The following TTLL1 variants were observed in gnomAD, a reference collection of about 807,000 sequenced individuals.
TTLL1 encodes polyglutamylase complex subunit TTLL1.
In TTLL1, 33 loss-of-function variants were observed where a neutral mutation model predicts 47.8. The observed-to-expected ratio is 0.69, with a 90% CI of 0.52 to 0.92. The LOEUF (loss-of-function observed/expected upper bound fraction) is 0.92. Ranked by LOEUF, TTLL1 falls within the 40% of genes least tolerant of loss-of-function variation. TTLL1 has a pLI of 0.00. For missense variants in TTLL1, 488 were observed against 547.5 expected, an observed-to-expected ratio of 0.89 and a Z score of 1.08; for synonymous variants, 225 against 214.1, an observed-to-expected ratio of 1.05 and a Z score of -0.45.
chr22:43,064,157 T>C (rs374419767), intron 6 of TTLL1, 33 bp downstream of exon 6: 4 of 1,599,846 alleles, frequency 2.5e-6, no homozygotes, highest in South Asian at 2.3e-5. Flanking sequence ...GAAAACACAA[T>C]CAAGAGGGAA....
chr22:43,079,279 G>A (rs1467815195), intron 2 of TTLL1, among the ~76,000 whole-genome samples: 1 of 135,106 alleles, frequency 7.4e-6, no homozygotes, highest in Non-Finnish European at 1.6e-5. Context: ...ACCCCAGAGC[G>A]TGAGCCCATC....
rs191482663 is a variant in TTLL1, at chr22:43,073,161, G to A, written c.113+2313C>T. On this transcript the variant is annotated intron_variant, in intron 3 of 10. Transcript: ENST00000266254. ...CTCTCAAGTAGCTGGGATTACAGGCGCCTGCCACTAAGCCCAGCTAATTTT... is the reference window on the plus strand; with the variant it reads ...CTCTCAAGTAGCTGGGATTACAGGCACCTGCCACTAAGCCCAGCTAATTTT... Among the ~76,000 whole-genome samples the A allele has an allele frequency of 1.4e-4, 21 of 150,762 alleles. No individual in the cohort carries two copies. The East Asian group carries it at 1.8e-3, about 13-fold the overall frequency.
rs191712787 is a variant in TTLL1, at chr22:43,071,832, G to T, written c.114-1988C>A. Among the ~76,000 whole-genome samples the T allele has an allele frequency of 3.9e-5, 6 of 152,266 alleles. No homozygotes were observed. In the East Asian group the frequency reaches 1.2e-3, roughly 29 times the overall value. On this transcript the variant is annotated intron_variant, in intron 3 of 10. Transcript: ENST00000266254. ...GAGCCAGCCGATGGGATGAGCTGGG[G>T]GTCCCAGAAGGCTTTCTTCATGTCT...
chr22:43,087,016 C>A (rs575203025), intron 1 of TTLL1, among the ~76,000 whole-genome samples: 55 of 152,270 alleles, frequency 3.6e-4, no homozygotes, highest in African/African-American at 1.3e-3. Flanking sequence ...CCTCTTTAGC[C>A]CCTGGCCTTC....
chr22:43,043,497 A>G lies in TTLL1; in HGVS notation c.1142+2913T>C, dbSNP rs1225846014. On this transcript the variant is annotated intron_variant, in intron 10 of 10. Transcript: ENST00000266254. The stretch of plus-strand genomic sequence containing the variant: ...TCAGGACCCAGCCCCGAAGGCCGCC[A>G]TCGCAGTTGCCATCCCCAACCCTGA... Among the ~76,000 whole-genome samples, 5 of 152,054 alleles carry G rather than the reference A, an allele frequency of 3.3e-5. No individual in the cohort carries two copies. In the East Asian group the frequency reaches 9.7e-4, roughly 29 times the overall value.
intron 5 of TTLL1, among the ~76,000 whole-genome samples, chr22:43,065,417 G>A (rs544769107): frequency 8.6e-5 from 13 of 152,026 alleles, no homozygotes; most frequent in Non-Finnish European, 1.6e-4. Flanking sequence ...AGCCTCCTGA[G>A]TAGCTGGGAT....
At chr22:43,060,516 G>C (rs917797563) in intron 7 of TTLL1, among the ~76,000 whole-genome samples, 2 of 152,118 alleles carry the variant, frequency 1.3e-5, no homozygotes, top group African/African-American at 4.8e-5. Context: ...TCACACTGCA[G>C]TTTAAAAGCA....
intron 10 of TTLL1, among the ~76,000 whole-genome samples, chr22:43,044,358 C>T (rs114341742): frequency 0.012 from 1,830 of 152,260 alleles, 26 homozygotes; most frequent in South Asian, 0.046. Flanking sequence ...ACCTGCTCCT[C>T]CTGTTCCAGA....
chr22:43,056,877 C>CA (rs1420647036), intron 8 of TTLL1, among the ~76,000 whole-genome samples: 1 of 152,172 alleles, frequency 6.6e-6, no homozygotes, highest in East Asian at 1.9e-4. Context: ...ACTGTACCCT[C>CA]AAACTCCTGG....
chr22:43,063,757 C>T, intron 7 of TTLL1, 56 bp downstream of exon 7: 1 of 1,558,764 alleles, frequency 6.4e-7, no homozygotes. Context: ...TGAGCCACCA[C>T]ACCCGGCCTG....
intron 9 of TTLL1, among the ~76,000 whole-genome samples, chr22:43,047,671 G>A (rs544017536): frequency 7.2e-5 from 11 of 152,216 alleles, no homozygotes; most frequent in Admixed American, 2.0e-4. Context: ...GTTTCACCAT[G>A]TTGGTCAGGC....
chr22:43,055,353 A>G (rs1403647508), intron 8 of TTLL1, among the ~76,000 whole-genome samples: 1 of 145,558 alleles, frequency 6.9e-6, no homozygotes, highest in African/African-American at 2.6e-5. Context: ...TTTTTTTGAG[A>G]CAAGGTCTCA....
intron 4 of TTLL1, 156 bp downstream of exon 4, chr22:43,069,480 T>G: frequency 7.7e-7 from 1 of 1,294,632 alleles, no homozygotes; most frequent in Non-Finnish European, 1.0e-6. Flanking sequence ...TCCTTCTCCC[T>G]CATTCTGGAG....
intron 5 of TTLL1, among the ~76,000 whole-genome samples, chr22:43,068,133 T>TAA (rs78719049): frequency 1.8e-4 from 26 of 141,806 alleles, no homozygotes; most frequent in African/African-American, 2.3e-4. Context: ...CATCTCTATT[T>TAA]AAAAAAAAAA....
chr22:43,068,676 G>T, intron 4 of TTLL1, 86 bp from the exon 5 acceptor site: 1 of 1,280,860 alleles, frequency 7.8e-7, no homozygotes, highest in Non-Finnish European at 1.0e-6. Flanking sequence ...CCTTTCCAGG[G>T]CCTGTGGGCT....
chr22:43,071,553 A>G (rs1370795340), intron 3 of TTLL1, among the ~76,000 whole-genome samples: 1 of 152,012 alleles, frequency 6.6e-6, no homozygotes, highest in Non-Finnish European at 1.5e-5. Flanking sequence ...GGGATTACAG[A>G]CATGAACCAC....
chr22:43,063,729 G>A (rs544404903), intron 7 of TTLL1, 84 bp downstream of exon 7: 20 of 1,319,622 alleles, frequency 1.5e-5, no homozygotes, highest in African/African-American at 8.7e-5. Flanking sequence ...GCCTCCCAAA[G>A]TGCCGGGATT....
At chr22:43,052,187 G>C in intron 8 of TTLL1, 1 of 401,468 alleles carries the variant, frequency 2.5e-6, no homozygotes, top group East Asian at 5.4e-5. Flanking sequence ...TGTCATCAGA[G>C]TGAACGGATG....
rs1447238477 is a variant in TTLL1 at position 43,054,725 on chromosome 22, T to TC, written c.892-2839_892-2838insG. On this transcript the variant is annotated intron_variant, in intron 8 of 10. Coordinates refer to ENST00000266254, the MANE Select transcript of TTLL1 (RefSeq NM_012263.5). ...AAGCATGAGCCACTGCACCTGGCCT[T>TC]TTTTTTTTTTTTTTTTTTGAGACGG... is the stretch of plus-strand genomic sequence containing the variant. Among the ~76,000 whole-genome samples, 3 of 139,568 alleles carry TC rather than the reference T, an allele frequency of 2.1e-5. 1 individual carries two copies. Among genetic ancestry groups the TC allele is most frequent in the African/African-American group, 2.7e-5 (1 of 37,560 alleles). 91.6% of individuals were successfully genotyped at this position (139,568 alleles called of 152,430 possible).
Sources: allele counts gnomAD v4.1 joint callset (sites outside exome capture counted in the v4.1 genomes callset), GRCh38; gene constraint gnomAD v4.1.1; transcripts MANE v1.5; gene names NCBI Gene and HGNC (gene_info 2026-07-23, HGNC 2026-07-21).